The following NRXN1 variants were observed in gnomAD, a reference collection of about 807,000 sequenced individuals.
NRXN1 encodes neurexin 1.
Under a neutral mutation model 150.9 loss-of-function variants are expected in NRXN1, and 39 were observed. The ratio of observed to expected loss-of-function variants is 0.26; its 90% confidence interval spans 0.20 to 0.34. NRXN1 has a LOEUF of 0.34. Among genes scored for constraint, NRXN1 ranks in the 10% least tolerant of loss-of-function variants. NRXN1 has a pLI of 1.00. For missense variants in NRXN1, 1,815 were observed against 1,949.9 expected, an observed-to-expected ratio of 0.93 and a Z score of 1.30; for synonymous variants, 924 against 757.0, an observed-to-expected ratio of 1.22 and a Z score of -3.62.
intron 18 of NRXN1, among the ~76,000 whole-genome samples, chr2:50,180,048 C>T (rs2060600885): frequency 2.0e-5 from 3 of 152,108 alleles, no homozygotes. Flanking sequence ...GACAGGCTCT[C>T]ACTCTGTTGT....
intron 2 of NRXN1, among the ~76,000 whole-genome samples, chr2:50,954,759 C>T (rs965785021): frequency 5.3e-5 from 8 of 152,164 alleles, no homozygotes; most frequent in African/African-American, 1.7e-4. Flanking sequence ...GTTGGAGTTT[C>T]TATGAATTAG....
rs941096154 is a variant in NRXN1 at position 49,922,005 on chromosome 2, G to A, written c.4463C>T (p.Pro1488Leu). The A allele has an allele frequency of 4.3e-6, 7 of 1,613,944 alleles. No homozygotes were observed. The highest frequency in any genetic ancestry group is 1.6e-4 in the Middle Eastern group (1 of 6,084). Residue 1488 changes from proline to leucine, a missense_variant, in exon 23 of 23, where the codon CCC becomes CTC. Physicochemically the swap from Pro to Leu is moderately conservative, Grantham distance 98. This residue lies in a region of NRXN1 where 265 missense variants were observed against 307.1 expected (regional missense o/e 0.86). Coordinates refer to ENST00000401669, the MANE Select transcript of NRXN1 (RefSeq NM_001330078.2). The part of the protein sequence containing the change: ...SNGAVVKEKQ[P>L]SSAKSSNKNK... ...TTTGTTGGAGCTTTTCGCACTGCTG[G>A]GTTGTTTCTCCTTTACAACAGCCCC... is the stretch of plus-strand genomic sequence containing the variant.
At chr2:50,367,807 C>CAA (rs1398665236) in intron 17 of NRXN1, among the ~76,000 whole-genome samples, 3 of 152,014 alleles carry the variant, frequency 2.0e-5, no homozygotes, top group African/African-American at 7.2e-5. Context: ...TGCTTACCAC[C>CAA]TATTTGGCAA....
chr2:50,072,485 A>T (rs1345458907), intron 19 of NRXN1, among the ~76,000 whole-genome samples: 3 of 150,548 alleles, frequency 2.0e-5, no homozygotes, highest in Admixed American at 6.7e-5. Flanking sequence ...ACAAGCACAT[A>T]TTTATTCACA....
At chr2:50,167,033 G>T (rs1367280223) in intron 18 of NRXN1, among the ~76,000 whole-genome samples, 1 of 152,076 alleles carries the variant, frequency 6.6e-6, no homozygotes, top group African/African-American at 2.4e-5. Context: ...ACAATGAAAT[G>T]ATAATTTTTA....
intron 18 of NRXN1, among the ~76,000 whole-genome samples, chr2:50,161,872 A>G (rs566656059): frequency 6.6e-6 from 1 of 152,254 alleles, no homozygotes; most frequent in East Asian, 1.9e-4. Flanking sequence ...AAGGAAAGGA[A>G]AGAAGGGAGG....
intron 18 of NRXN1, among the ~76,000 whole-genome samples, chr2:50,228,652 G>C (rs1435385424): frequency 1.3e-5 from 2 of 151,976 alleles, no homozygotes; most frequent in African/African-American, 2.4e-5. Context: ...AGTATATGAA[G>C]ATACCCTTTT....
chr2:50,273,136 T>C (rs1248057773), intron 17 of NRXN1, among the ~76,000 whole-genome samples: 1 of 152,138 alleles, frequency 6.6e-6, no homozygotes, highest in Non-Finnish European at 1.5e-5. Flanking sequence ...ATTGAAAAGA[T>C]TGACAGAGAG....
chr2:50,463,268 G>A (rs1340516644), intron 17 of NRXN1, among the ~76,000 whole-genome samples: 4 of 151,690 alleles, frequency 2.6e-5, no homozygotes, highest in Non-Finnish European at 4.4e-5. Context: ...TTAATTCCAC[G>A]TCTTCAAAGT....
At chr2:50,818,808 A>G (rs1669293370) in intron 5 of NRXN1, among the ~76,000 whole-genome samples, 1 of 152,182 alleles carries the variant, frequency 6.6e-6, no homozygotes, top group Non-Finnish European at 1.5e-5. Context: ...AAAAAACTCC[A>G]TAACTCAATG....
intron 17 of NRXN1, among the ~76,000 whole-genome samples, chr2:50,267,384 T>G (rs6744131): frequency 1.3e-5 from 2 of 152,184 alleles, no homozygotes; most frequent in African/African-American, 4.8e-5. Flanking sequence ...AGAAGAAGAA[T>G]AATGTTTATG....
intron 5 of NRXN1, among the ~76,000 whole-genome samples, chr2:50,835,197 A>C (rs1671940722): frequency 6.6e-6 from 1 of 152,156 alleles, no homozygotes; most frequent in Admixed American, 6.5e-5. Context: ...CTGATCTTTA[A>C]GAAGTCACCT....
intron 21 of NRXN1, among the ~76,000 whole-genome samples, chr2:50,007,300 C>T (rs1385901955): frequency 6.6e-6 from 1 of 152,022 alleles, no homozygotes; most frequent in Non-Finnish European, 1.5e-5. Flanking sequence ...GAGCTTTGAT[C>T]CCACCACTGC....
chr2:50,583,679 G>T (rs1672645053), intron 8 of NRXN1, among the ~76,000 whole-genome samples: 1 of 152,124 alleles, frequency 6.6e-6, no homozygotes, highest in Non-Finnish European at 1.5e-5. Flanking sequence ...TACAGGCATT[G>T]TACTAAGGAT....
chr2:50,972,574 A>C (rs1225008574), intron 2 of NRXN1, among the ~76,000 whole-genome samples: 1 of 152,094 alleles, frequency 6.6e-6, no homozygotes, highest in African/African-American at 2.4e-5. Flanking sequence ...TATCGAATTA[A>C]ACAACTATAC....
intron 21 of NRXN1, among the ~76,000 whole-genome samples, chr2:49,968,533 A>G (rs964331121): frequency 6.6e-6 from 1 of 152,042 alleles, no homozygotes; most frequent in African/African-American, 2.4e-5. Flanking sequence ...TGGATATTCT[A>G]GTACCCTCGG....
At chr2:50,485,495 G>T (rs967693771) in intron 15 of NRXN1, among the ~76,000 whole-genome samples, 2 of 152,174 alleles carry the variant, frequency 1.3e-5, no homozygotes, top group African/African-American at 4.8e-5. Context: ...GACCACTGGA[G>T]GATGCAGAAC....
At chr2:50,177,565 C>T (rs564974539) in intron 18 of NRXN1, among the ~76,000 whole-genome samples, 93 of 151,864 alleles carry the variant, frequency 6.1e-4, no homozygotes, top group Middle Eastern at 3.4e-3. Context: ...ATTATATTCT[C>T]AAAAGCCCCA....
chr2:50,091,457 G>A lies in NRXN1; in HGVS notation c.3584C>T (p.Thr1195Ile). Reference protein sequence around the residue: ...GKIGVKFNVGTDDIAIEESNA... With the variant: ...GKIGVKFNVGIDDIAIEESNA... ...GGATTCTTCAATGGCGATGTCATCT[G>A]TCCCAACATTAAACTTAACTCCAAT... The change falls in exon 19 of 23, where the codon ACA becomes ATA. Residue 1195 changes from threonine (T) to isoleucine (I), a missense_variant. Thr to Ile is a moderately conservative substitution (Grantham distance 89). Coordinates refer to ENST00000401669, the MANE Select transcript of NRXN1 (RefSeq NM_001330078.2). The A allele has an allele frequency of 6.2e-7, 1 of 1,614,132 alleles. No homozygotes were observed. The highest frequency in any genetic ancestry group is 8.5e-7 in the Non-Finnish European group (1 of 1,180,026).
Sources: allele counts gnomAD v4.1 joint callset (sites outside exome capture counted in the v4.1 genomes callset), GRCh38; gene constraint gnomAD v4.1.1; regional missense constraint gnomAD v4.1.1; transcripts MANE v1.5; gene names NCBI Gene and HGNC (gene_info 2026-07-23, HGNC 2026-07-21).